Variants in CSMD1 observed in about 807,000 individuals in gnomAD.
CSMD1 encodes CUB and Sushi multiple domains 1.
Under a neutral mutation model 417.5 loss-of-function variants are expected in CSMD1, and 213 were observed. The ratio of observed to expected loss-of-function variants is 0.51; its 90% CI spans 0.46 to 0.57. The LOEUF (loss-of-function observed/expected upper bound fraction) is 0.57, where lower values mean the gene tolerates loss of function less well. Ranked by LOEUF, CSMD1 falls within the 20% of genes least tolerant of loss-of-function variation. CSMD1 has a pLI of 0.00. For synonymous variants in CSMD1, 2,862 were observed against 1,736.8 expected, an observed-to-expected ratio of 1.65 and a Z score of -16.11; for missense variants, 6,923 against 4,529.7, an observed-to-expected ratio of 1.53 and a Z score of -15.17.
At chr8:4,601,948 G>T (rs920484948) in intron 2 of CSMD1, among the ~76,000 whole-genome samples, 2 of 152,130 alleles carry the variant, frequency 1.3e-5, no homozygotes, top group African/African-American at 4.8e-5. Flanking sequence ...ATACACAGGT[G>T]CTGGAGGAAC....
chr8:4,485,889 T>C (rs1341547520), intron 2 of CSMD1, among the ~76,000 whole-genome samples: 2 of 151,608 alleles, frequency 1.3e-5, no homozygotes, highest in Non-Finnish European at 2.9e-5. Context: ...GACCAGGGAG[T>C]AAGAAGTGGA....
rs561737724 is a variant in CSMD1, at chr8:3,821,239, T to C, written c.819-67197A>G. 1.4e-3 allele frequency among the ~76,000 whole-genome samples: 207 copies of C among 152,214 alleles called. 1 individual carries two copies. The highest frequency in any genetic ancestry group is 4.7e-3 in the African/African-American group (195 of 41,540). On this transcript the variant is annotated intron_variant, in intron 5 of 69. Coordinates refer to ENST00000635120, the MANE Select transcript of CSMD1 (RefSeq NM_033225.6). ...AGCTCTAGGTTAACTTTTTTAAAAG[T>C]AGAATGAGTACACACTAAAATAACA...
intron 1 of CSMD1, among the ~76,000 whole-genome samples, chr8:4,938,086 C>G (rs1333590046): frequency 6.6e-6 from 1 of 151,958 alleles, no homozygotes; most frequent in Non-Finnish European, 1.5e-5. Context: ...AATTTTATCC[C>G]TTTTAGTAGC....
intron 3 of CSMD1, among the ~76,000 whole-genome samples, chr8:4,133,427 T>C (rs1424625710): frequency 6.6e-6 from 1 of 152,174 alleles, no homozygotes; most frequent in Admixed American, 6.5e-5. Flanking sequence ...CTAACATAAA[T>C]TTAAATAAAT....
intron 3 of CSMD1, among the ~76,000 whole-genome samples, chr8:4,288,871 T>G (rs1160694133): frequency 6.6e-6 from 1 of 152,222 alleles, no homozygotes; most frequent in African/African-American, 2.4e-5. Context: ...TGAATTATTT[T>G]AAGAGTAAAT....
chr8:4,080,107 G>A (rs1011489925), intron 3 of CSMD1, among the ~76,000 whole-genome samples: 3 of 151,030 alleles, frequency 2.0e-5, no homozygotes, highest in African/African-American at 4.9e-5. Flanking sequence ...TTCCTCACTC[G>A]TTCCATGTAT....
intron 18 of CSMD1, among the ~76,000 whole-genome samples, chr8:3,383,552 C>G (rs772612370): frequency 6.6e-6 from 1 of 151,944 alleles, no homozygotes; most frequent in African/African-American, 2.4e-5. Flanking sequence ...ACCTCATGCA[C>G]GAATGAAAAC....
intron 3 of CSMD1, among the ~76,000 whole-genome samples, chr8:4,317,300 G>C (rs1798990449): frequency 1.3e-5 from 2 of 152,144 alleles, no homozygotes; most frequent in African/African-American, 4.8e-5. Flanking sequence ...GGTGTGATTT[G>C]TATAAATTTC....
intron 7 of CSMD1, among the ~76,000 whole-genome samples, chr8:3,696,834 C>A (rs947722692): frequency 6.6e-6 from 1 of 151,982 alleles, no homozygotes; most frequent in Non-Finnish European, 1.5e-5. Flanking sequence ...AAATGTATTC[C>A]CATAGTTTAA....
In CSMD1 at chr8:3,472,130, A is replaced by G. The variant is rs371060926; in HGVS notation, c.1449-3306T>C. 8.1e-4 allele frequency among the ~76,000 whole-genome samples: 124 copies of G among 152,184 alleles called. No individual in the cohort carries two copies. The South Asian group carries it at 0.016, about 19-fold the overall frequency. On this transcript the variant is annotated intron_variant, in intron 11 of 69. Transcript: ENST00000635120. Reference sequence around the variant, plus strand: ...CATTGCTCCCTGTGGGCAATCTGATAATGCTTGTAAAGTGACTCAAGGGTT... The same window carrying G: ...CATTGCTCCCTGTGGGCAATCTGATGATGCTTGTAAAGTGACTCAAGGGTT...
chr8:4,832,986 A>G (rs540631252), intron 1 of CSMD1, among the ~76,000 whole-genome samples: 1 of 152,304 alleles, frequency 6.6e-6, no homozygotes, highest in African/African-American at 2.4e-5. Flanking sequence ...CCTGGGCACC[A>G]TTTCTGATTT....
intron 3 of CSMD1, among the ~76,000 whole-genome samples, chr8:4,343,962 A>G (rs1032010323): frequency 3.3e-5 from 5 of 152,180 alleles, no homozygotes; most frequent in African/African-American, 1.2e-4. Flanking sequence ...ATTTTCATAT[A>G]TACAATAAAT....
At chr8:4,291,824 A>G (rs568903370) in intron 3 of CSMD1, among the ~76,000 whole-genome samples, 2 of 152,206 alleles carry the variant, frequency 1.3e-5, no homozygotes, top group Non-Finnish European at 2.9e-5. Context: ...TGTCATGTAA[A>G]CCATATGGCC....
chr8:3,689,234 C>T (rs532313547), intron 7 of CSMD1, among the ~76,000 whole-genome samples: 18 of 152,288 alleles, frequency 1.2e-4, no homozygotes, highest in African/African-American at 3.1e-4. Context: ...TCTAACTTAT[C>T]CACAGTTACC....
intron 1 of CSMD1, among the ~76,000 whole-genome samples, chr8:4,737,784 A>C (rs1810341937): frequency 6.6e-6 from 1 of 152,224 alleles, no homozygotes; most frequent in South Asian, 2.1e-4. Context: ...AGAAACAAAT[A>C]GTTCTTTGGA....
chr8:4,480,711 C>T (rs1036497590), intron 2 of CSMD1, among the ~76,000 whole-genome samples: 3 of 152,216 alleles, frequency 2.0e-5, no homozygotes, highest in African/African-American at 7.2e-5. Context: ...TTTCTGACAA[C>T]CACCTGGTAT....
At chr8:3,719,260 C>A (rs563196797) in intron 6 of CSMD1, among the ~76,000 whole-genome samples, 1 of 152,030 alleles carries the variant, frequency 6.6e-6, no homozygotes, top group Non-Finnish European at 1.5e-5. Context: ...AACGTTTTTA[C>A]AAAAACCCCA....
At chr8:3,188,086 ATG>A in intron 35 of CSMD1, 121 bp from the exon 36 acceptor site, 1 of 295,212 alleles carries the variant, frequency 3.4e-6, no homozygotes, top group Non-Finnish European at 6.3e-6. Context: ...ACATATGTAT[ATG>A]TATATATATA....
intron 5 of CSMD1, among the ~76,000 whole-genome samples, chr8:3,839,228 T>C (rs1053301403): frequency 8.0e-6 from 1 of 125,226 alleles, no homozygotes; most frequent in Non-Finnish European, 1.6e-5. Context: ...TAGTATAATA[T>C]ATAATTATAT....
Sources: allele counts gnomAD v4.1 joint callset (sites outside exome capture counted in the v4.1 genomes callset), GRCh38; gene constraint gnomAD v4.1.1; transcripts MANE v1.5; gene names NCBI Gene and HGNC (gene_info 2026-07-23, HGNC 2026-07-21).